Variants in BCL2L11 observed in about 807,000 individuals in gnomAD.
The protein encoded by BCL2L11 is BCL2 like 11.
BCL2L11 carries 15 observed loss-of-function variants against 20.6 expected under a neutral mutation model. The ratio of observed to expected loss-of-function variants is 0.73; its 90% CI spans 0.49 to 1.12. BCL2L11 has a LOEUF of 1.12. Ranked by LOEUF, BCL2L11 falls within the 50% of genes most tolerant of loss-of-function variation. The probability of loss-of-function intolerance (pLI) is 0.00; values close to 1 mark genes in which losing one functional copy is unlikely to be tolerated. For missense variants in BCL2L11, 292 were observed against 260.9 expected (o/e 1.12, Z -0.82); for synonymous variants, 108 against 92.8 (o/e 1.16, Z -0.94).
At chr2:111,163,824 A>G (rs2078856157) in intron 3 of BCL2L11, among the ~76,000 whole-genome samples, 1 of 146,912 alleles carries the variant, frequency 6.8e-6, no homozygotes, top group African/African-American at 2.5e-5. Context: ...TAGTTGCTTT[A>G]CATCCTCTTT....
intron 3 of BCL2L11, among the ~76,000 whole-genome samples, chr2:111,152,113 A>G (rs901256496): frequency 6.6e-6 from 1 of 152,194 alleles, no homozygotes; most frequent in African/African-American, 2.4e-5. Context: ...GGGTAGGTGA[A>G]TACACTCAAG....
At chr2:111,160,895 G>A (rs10189015) in intron 3 of BCL2L11, among the ~76,000 whole-genome samples, 62,619 of 152,138 alleles carry the variant, frequency 0.41, 13,450 homozygotes, top group Non-Finnish European at 0.48. Flanking sequence ...CAGTGAAAGT[G>A]TGTATTAGTC....
At chr2:111,146,783 G>A (rs1285432538) in intron 2 of BCL2L11, among the ~76,000 whole-genome samples, 2 of 152,130 alleles carry the variant, frequency 1.3e-5, no homozygotes, top group African/African-American at 2.4e-5. Flanking sequence ...ATGTTGCACT[G>A]TACTAACAGA....
intron 2 of BCL2L11, among the ~76,000 whole-genome samples, chr2:111,138,128 C>T (rs996932897): frequency 6.6e-6 from 1 of 151,690 alleles, no homozygotes; most frequent in Non-Finnish European, 1.5e-5. Flanking sequence ...CCTGCCTCAG[C>T]CTTCTGAGTA....
At chr2:111,144,009 AT>A (rs907020885) in intron 2 of BCL2L11, among the ~76,000 whole-genome samples, 3 of 152,212 alleles carry the variant, frequency 2.0e-5, no homozygotes, top group African/African-American at 7.2e-5. Flanking sequence ...CAGTTTCCAA[AT>A]GGTCAGGCTG....
intron 2 of BCL2L11, among the ~76,000 whole-genome samples, 168 bp from the exon 3 acceptor site, chr2:111,149,876 T>A (rs1257063091): frequency 6.6e-6 from 1 of 152,244 alleles, no homozygotes. Flanking sequence ...TGTAGAAGAC[T>A]CTGCCACTCT....
intron 1 of BCL2L11, among the ~76,000 whole-genome samples, chr2:111,122,407 G>T (rs1016736906): frequency 2.0e-5 from 3 of 152,090 alleles, no homozygotes; most frequent in African/African-American, 7.2e-5. Flanking sequence ...ATCCTCCGAC[G>T]AAGCGGCAGC....
intron 2 of BCL2L11, among the ~76,000 whole-genome samples, chr2:111,144,853 G>A (rs1430547350): frequency 2.6e-5 from 4 of 152,198 alleles, no homozygotes; most frequent in East Asian, 1.9e-4. Flanking sequence ...GAGAGTAAAG[G>A]TAGACAGCCC....
rs180913937 is a variant in BCL2L11 at position 111,130,324 on chromosome 2, G to A, written c.394+6185G>A. The A allele has an allele frequency of 5.9e-3, 1,493 of 251,470 alleles. 3 individuals carry two copies. The highest frequency in any genetic ancestry group is 8.9e-3 in the Non-Finnish European group (1,105 of 123,922). 15.6% of individuals were successfully genotyped at this position (251,470 alleles called of 1,614,324 possible). A position where few individuals can be genotyped will look rare whatever the true frequency, so the allele number is the denominator to read the frequency against. Reference sequence around the variant, plus strand: ...TCACCATGTTGGCCAGGCTGGTCTCGAACTCCTGACCTCAGGTGATCTGCC... The same window carrying A: ...TCACCATGTTGGCCAGGCTGGTCTCAAACTCCTGACCTCAGGTGATCTGCC... On this transcript the variant is annotated intron_variant, in intron 2 of 3. Transcript: ENST00000393256.
intron 2 of BCL2L11, among the ~76,000 whole-genome samples, chr2:111,124,622 T>C (rs904898124): frequency 3.3e-5 from 5 of 152,202 alleles, no homozygotes; most frequent in African/African-American, 9.7e-5. Flanking sequence ...TACTAACTTT[T>C]GTGGCAGTGA....
chr2:111,159,139 A>G (rs2078257821), intron 3 of BCL2L11, among the ~76,000 whole-genome samples: 1 of 152,182 alleles, frequency 6.6e-6, no homozygotes, highest in African/African-American at 2.4e-5. Context: ...GGCCCTTCCC[A>G]GCAGAGGCAC....
At chr2:111,128,405 G>A (rs1244141965) in intron 2 of BCL2L11, among the ~76,000 whole-genome samples, 1 of 151,924 alleles carries the variant, frequency 6.6e-6, no homozygotes, top group Non-Finnish European at 1.5e-5. Flanking sequence ...TATGAACATG[G>A]GTATGCAAAT....
intron 1 of BCL2L11, 114 bp from the exon 2 acceptor site, chr2:111,123,619 C>T (rs2071758245): frequency 2.4e-6 from 3 of 1,224,498 alleles, no homozygotes; most frequent in Non-Finnish European, 1.0e-6. Flanking sequence ...AAGTATAGAA[C>T]AAAGTATTTG....
At chr2:111,122,236 T>C (rs113573604) in intron 1 of BCL2L11, among the ~76,000 whole-genome samples, 67 of 152,292 alleles carry the variant, frequency 4.4e-4, no homozygotes, top group African/African-American at 1.6e-3. Flanking sequence ...CAAGGACAAG[T>C]GGCGAGGACT....
chr2:111,140,770 A>G (rs1362486699), intron 2 of BCL2L11, among the ~76,000 whole-genome samples: 4 of 152,250 alleles, frequency 2.6e-5, no homozygotes, highest in South Asian at 4.1e-4. Flanking sequence ...ATTCTACTAA[A>G]TTAGTCAAAA....
intron 3 of BCL2L11, among the ~76,000 whole-genome samples, chr2:111,152,450 T>G (rs922601675): frequency 1.6e-4 from 25 of 152,224 alleles, no homozygotes; most frequent in African/African-American, 5.1e-4. Flanking sequence ...ATTATACAAG[T>G]TTCTCTTTAA....
intron 2 of BCL2L11, among the ~76,000 whole-genome samples, chr2:111,138,288 C>T (rs1337676147): frequency 6.6e-6 from 1 of 152,234 alleles, no homozygotes; most frequent in Non-Finnish European, 1.5e-5. Context: ...AGATTACAGG[C>T]GTTGAGCCAC....
At chr2:111,144,361 G>A in intron 2 of BCL2L11, 1 of 969,786 alleles carries the variant, frequency 1.0e-6, no homozygotes. Context: ...GGAGGGAGGT[G>A]TGTGTGTGTG....
intron 3 of BCL2L11, among the ~76,000 whole-genome samples, chr2:111,160,276 G>GT (rs1279381501): frequency 1.3e-5 from 2 of 152,090 alleles, no homozygotes; most frequent in African/African-American, 2.4e-5. Context: ...CTGGCCAGTG[G>GT]TTTTTTTCCC....
Sources: gnomAD v4.1 joint callset for allele counts (sites outside exome capture counted in the v4.1 genomes callset) on GRCh38, gnomAD v4.1.1 for gene constraint, MANE v1.5 for transcripts, NCBI Gene and HGNC (gene_info 2026-07-23, HGNC 2026-07-21) for gene names.